The following SEMA3E variants were observed in gnomAD, a reference collection of about 807,000 sequenced individuals.
The protein encoded by SEMA3E is semaphorin 3E.
Under a neutral mutation model 93.6 loss-of-function variants are expected in SEMA3E, and 49 were observed. The observed-to-expected ratio is 0.52, with a 90% CI of 0.42 to 0.66. The LOEUF is 0.66. Among genes scored for constraint, SEMA3E ranks in the 30% least tolerant of loss-of-function variants. The pLI, the probability that SEMA3E is intolerant of heterozygous loss-of-function variation, is 0.00. For missense variants in SEMA3E, 906 were observed against 964.8 expected (o/e 0.94, Z 0.81); for synonymous variants, 363 against 330.7 (o/e 1.10, Z -1.06).
chr7:83,576,034 T>C (rs1331924425), intron 1 of SEMA3E, among the ~76,000 whole-genome samples: 2 of 152,238 alleles, frequency 1.3e-5, no homozygotes, highest in Non-Finnish European at 2.9e-5. Flanking sequence ...GTGAATGATG[T>C]CATATGACTA....
intron 1 of SEMA3E, among the ~76,000 whole-genome samples, chr7:83,639,110 CAAAAAAAAAAA>C (rs1172097095): frequency 1.5e-4 from 4 of 27,464 alleles, no homozygotes; most frequent in African/African-American, 8.4e-4. Context: ...GACTCCGTCT[CAAAAAAAAAAA>C]AAAAAAAAAA....
intron 1 of SEMA3E, among the ~76,000 whole-genome samples, chr7:83,535,579 C>T (rs1224520505): frequency 3.3e-5 from 5 of 151,756 alleles, no homozygotes; most frequent in African/African-American, 1.2e-4. Context: ...TATCAATGAC[C>T]CTGAGAATCA....
intron 2 of SEMA3E, among the ~76,000 whole-genome samples, chr7:83,473,728 C>A (rs1366565092): frequency 6.6e-6 from 1 of 152,156 alleles, no homozygotes; most frequent in Non-Finnish European, 1.5e-5. Context: ...TTTTCTTTTA[C>A]ACGAATGATT....
In SEMA3E at chr7:83,364,813, A is replaced by G. The variant is rs1794642304; in HGVS notation, c.*2773T>C. 1 of 152,174 alleles carries G rather than the reference A, an allele frequency of 6.6e-6. No homozygotes were observed. The highest frequency in any genetic ancestry group is 1.5e-5 in the Non-Finnish European group (1 of 68,038). 9.4% of individuals were successfully genotyped at this position (152,174 alleles called of 1,614,324 possible). ...TGATTTTTGCTCAATGTTGCTAGAGAGCATGGTTTCTCTCCTTCTACAAGA... is the reference window on the plus strand; with the variant it reads ...TGATTTTTGCTCAATGTTGCTAGAGGGCATGGTTTCTCTCCTTCTACAAGA... On this transcript the variant is annotated 3_prime_UTR_variant, in exon 17 of 17. Coordinates refer to ENST00000643230, the MANE Select transcript of SEMA3E (RefSeq NM_012431.3).
chr7:83,540,907 G>C (rs1363617767), intron 1 of SEMA3E, among the ~76,000 whole-genome samples: 2 of 152,176 alleles, frequency 1.3e-5, no homozygotes, highest in African/African-American at 4.8e-5. Context: ...ATAAAACACA[G>C]GGTGTTTGTT....
chr7:83,379,075 A>C (rs1325882048), intron 16 of SEMA3E, among the ~76,000 whole-genome samples: 1 of 151,878 alleles, frequency 6.6e-6, no homozygotes, highest in Admixed American at 6.6e-5. Flanking sequence ...CATTAAAAAC[A>C]AATGAAATAA....
At chr7:83,556,536 T>C (rs746951542) in intron 1 of SEMA3E, among the ~76,000 whole-genome samples, 2 of 152,194 alleles carry the variant, frequency 1.3e-5, no homozygotes, top group African/African-American at 2.4e-5. Flanking sequence ...AGGGAACAAG[T>C]TGTCAATTTT....
intron 4 of SEMA3E, among the ~76,000 whole-genome samples, chr7:83,424,039 G>A (rs1788722663): frequency 6.6e-6 from 1 of 152,102 alleles, no homozygotes; most frequent in Non-Finnish European, 1.5e-5. Flanking sequence ...CATCACTGCA[G>A]TAGAAAAGTA....
At chr7:83,581,953 C>T (rs926801657) in intron 1 of SEMA3E, among the ~76,000 whole-genome samples, 5 of 151,890 alleles carry the variant, frequency 3.3e-5, no homozygotes, top group African/African-American at 1.2e-4. Flanking sequence ...AAAATACTAA[C>T]ATTATTCTTC....
Position 83,490,407 on chromosome 7 carries a change from G to A in SEMA3E, c.116-133C>T, listed in dbSNP as rs1471072080. On this transcript the variant is annotated intron_variant, in intron 1 of 16. Coordinates refer to ENST00000643230, the MANE Select transcript of SEMA3E (RefSeq NM_012431.3). ...CATTCATTTTATCATACATATACTG[G>A]CAAAGAATTTTAATGTGCACAAGTT... The A allele has an allele frequency of 4.5e-5, 38 of 842,738 alleles. No individual in the cohort carries two copies. The East Asian group carries it at 1.0e-3, about 23-fold the overall frequency. The allele number at this position is 842,738 out of a possible 1,614,324, so 52.2% of individuals were successfully genotyped here. A position where few individuals can be genotyped will look rare whatever the true frequency, so the allele number is the denominator to read the frequency against.
chr7:83,401,492 C>T (rs890085629), intron 10 of SEMA3E, among the ~76,000 whole-genome samples: 4 of 151,986 alleles, frequency 2.6e-5, no homozygotes, highest in Non-Finnish European at 4.4e-5. Context: ...CATAACCAGT[C>T]GCTTCCTCCA....
At chr7:83,441,065 T>G (rs2115783715) in intron 4 of SEMA3E, among the ~76,000 whole-genome samples, 1 of 152,130 alleles carries the variant, frequency 6.6e-6, no homozygotes, top group East Asian at 1.9e-4. Context: ...AGAGACATAG[T>G]GAGATTAAAA....
chr7:83,513,732 A>G (rs1790872429), intron 1 of SEMA3E, among the ~76,000 whole-genome samples: 1 of 152,210 alleles, frequency 6.6e-6, no homozygotes. Context: ...ATTATAAAAC[A>G]TGTCTAGAAT....
chr7:83,403,059 A>AT (rs923182284), intron 9 of SEMA3E, among the ~76,000 whole-genome samples: 6 of 151,908 alleles, frequency 3.9e-5, no homozygotes, highest in Non-Finnish European at 7.4e-5. Flanking sequence ...GTGTTTTTAT[A>AT]TTTTTTTATT....
At chr7:83,507,769 C>G (rs1790734903) in intron 1 of SEMA3E, among the ~76,000 whole-genome samples, 2 of 151,316 alleles carry the variant, frequency 1.3e-5, no homozygotes, top group Admixed American at 6.6e-5. Flanking sequence ...GAGACCTCAT[C>G]TCATCTCTCC....
chr7:83,644,135 G>T (rs1387426337), intron 1 of SEMA3E, among the ~76,000 whole-genome samples: 1 of 151,706 alleles, frequency 6.6e-6, no homozygotes, highest in Non-Finnish European at 1.5e-5. Flanking sequence ...TAAATGGAAT[G>T]AATTCTAAAA....
At chr7:83,543,358 CT>C (rs72053273) in intron 1 of SEMA3E, among the ~76,000 whole-genome samples, 7 of 150,902 alleles carry the variant, frequency 4.6e-5, no homozygotes, top group African/African-American at 9.7e-5. Context: ...ACTGAATGAA[CT>C]TTTTTTTTAT....
rs183849311 is a variant in SEMA3E, at chr7:83,452,959, A to G, written c.456+13523T>C. On this transcript the variant is annotated intron_variant, in intron 4 of 16. Transcript: ENST00000643230. The stretch of plus-strand genomic sequence containing the variant: ...AACAATGTAGAAAATGGCATACTCC[A>G]ATGGATAAAATGCATAATTTCTTTT... 5.6e-3 allele frequency among the ~76,000 whole-genome samples: 859 copies of G among 152,264 alleles called. 29 individuals are homozygous for G. Among genetic ancestry groups the G allele is most frequent in the Admixed American group, 0.051 (781 of 15,294 alleles).
At chr7:83,389,306 CA>C (rs1378625733) in intron 14 of SEMA3E, among the ~76,000 whole-genome samples, 1 of 151,686 alleles carries the variant, frequency 6.6e-6, no homozygotes, top group Non-Finnish European at 1.5e-5. Context: ...GGCTGATGAG[CA>C]ATAATGAATA....
Sources: gnomAD v4.1 joint callset for allele counts (sites outside exome capture counted in the v4.1 genomes callset) on GRCh38, gnomAD v4.1.1 for gene constraint, MANE v1.5 for transcripts, NCBI Gene and HGNC (gene_info 2026-07-23, HGNC 2026-07-21) for gene names.